Variants in DGKI observed in about 807,000 individuals in gnomAD.
DGKI encodes diacylglycerol kinase iota, also known as DAG kinase iota.
A neutral mutation model predicts 147.5 loss-of-function variants in DGKI; 55 were observed. The observed-to-expected ratio is 0.37, with a 90% confidence interval of 0.30 to 0.47. The LOEUF (loss-of-function observed/expected upper bound fraction) is 0.47, where lower values mean the gene tolerates loss of function less well. DGKI is among the 20% of genes least tolerant of loss of function. The pLI is 1.00. For missense variants in DGKI, 1,007 were observed against 1,323.8 expected (o/e 0.76, Z 3.71); for synonymous variants, 469 against 477.1 (o/e 0.98, Z 0.22).
chr7:137,643,006 T>C (rs2129007429), intron 6 of DGKI, among the ~76,000 whole-genome samples: 1 of 150,078 alleles, frequency 6.7e-6, no homozygotes, highest in East Asian at 2.0e-4. Flanking sequence ...AGTCTATGAA[T>C]ATGGGCCGGG....
chr7:137,811,363 C>T (rs1299702357), intron 1 of DGKI, among the ~76,000 whole-genome samples: 3 of 110,910 alleles, frequency 2.7e-5, no homozygotes, highest in Non-Finnish European at 6.0e-5. Flanking sequence ...CTCTCTCTCT[C>T]CCTCTCTCTC....
intron 1 of DGKI, among the ~76,000 whole-genome samples, chr7:137,699,094 C>T (rs1734086283): frequency 6.6e-6 from 1 of 152,216 alleles, no homozygotes; most frequent in South Asian, 2.1e-4. Flanking sequence ...CCAGCAGATT[C>T]AATGTCCGGT....
intron 6 of DGKI, among the ~76,000 whole-genome samples, chr7:137,625,186 G>A (rs929207006): frequency 3.3e-5 from 5 of 152,138 alleles, no homozygotes; most frequent in Non-Finnish European, 7.3e-5. Context: ...GCAGCTGGGT[G>A]TGGTGGCTCA....
rs753295841 is a variant in DGKI at position 137,408,132 on chromosome 7, G to A, written c.2800-137C>T. On this transcript the variant is annotated intron_variant, in intron 29 of 32. Transcript: ENST00000614521. ...GAGGACATAGAGAAAAGTCAAAAAG[G>A]TGAAGTAACATTCCTGGACTGTGTT... The A allele has an allele frequency of 5.0e-6, 5 of 993,730 alleles. No individual in the cohort carries two copies. The East Asian group carries it at 7.8e-5, about 15-fold the overall frequency. The allele number at this position is 993,730 out of a possible 1,614,324, so 61.6% of individuals were successfully genotyped here.
chr7:137,682,933 G>A (rs1356699793), intron 2 of DGKI, among the ~76,000 whole-genome samples: 2 of 152,080 alleles, frequency 1.3e-5, no homozygotes, highest in African/African-American at 4.8e-5. Context: ...GAATAGTCTT[G>A]GTCTATGACA....
At chr7:137,695,155 T>C (rs1023754861) in intron 1 of DGKI, among the ~76,000 whole-genome samples, 1 of 152,204 alleles carries the variant, frequency 6.6e-6, no homozygotes, top group Non-Finnish European at 1.5e-5. Flanking sequence ...TTGCCTACCA[T>C]GGGGTTTAAG....
chr7:137,465,516 T>C (rs1449973423), intron 26 of DGKI, among the ~76,000 whole-genome samples: 1 of 152,196 alleles, frequency 6.6e-6, no homozygotes, highest in Non-Finnish European at 1.5e-5. Context: ...GTCATAGTTA[T>C]TATTATATAA....
intron 12 of DGKI, among the ~76,000 whole-genome samples, chr7:137,592,245 C>T (rs1425438009): frequency 6.6e-6 from 1 of 152,200 alleles, no homozygotes; most frequent in Non-Finnish European, 1.5e-5. Context: ...ACCTAGCACC[C>T]TTTCAATTAA....
Position 137,383,956 on chromosome 7 carries a change from G to A in DGKI, c.*7264C>T, listed in dbSNP as rs1008137865. The A allele has an allele frequency of 1.3e-5, 2 of 151,982 alleles. No homozygotes were observed. The highest frequency in any genetic ancestry group is 6.6e-5 in the Admixed American group (1 of 15,228). The allele number at this position is 151,982 out of a possible 1,614,324, so 9.4% of individuals were successfully genotyped here. A position where few individuals can be genotyped will look rare whatever the true frequency, so the allele number is the denominator to read the frequency against. On this transcript the variant is annotated 3_prime_UTR_variant, in exon 33 of 33. Transcript: ENST00000614521. Reference sequence around the variant, plus strand: ...CTGAACTGAAGGACATTTCAAGCCTGTTTGTTTTTCTCTACTTCAAATATG... The same window carrying A: ...CTGAACTGAAGGACATTTCAAGCCTATTTGTTTTTCTCTACTTCAAATATG...
chr7:137,595,726 A>C (rs1316335410), intron 12 of DGKI, among the ~76,000 whole-genome samples: 1 of 152,110 alleles, frequency 6.6e-6, no homozygotes, highest in Non-Finnish European at 1.5e-5. Context: ...GAAAACGGGC[A>C]GGCAGGGTGG....
chr7:137,495,979 GA>G (rs1815951317), intron 21 of DGKI, among the ~76,000 whole-genome samples: 1 of 152,076 alleles, frequency 6.6e-6, no homozygotes, highest in Non-Finnish European at 1.5e-5. Context: ...GCAAGAGAAA[GA>G]AATAAAAGGC....
At chr7:137,805,936 C>A (rs1394837017) in intron 1 of DGKI, among the ~76,000 whole-genome samples, 2 of 152,230 alleles carry the variant, frequency 1.3e-5, no homozygotes, top group African/African-American at 4.8e-5. Flanking sequence ...GTGGTCTGAA[C>A]AAAGCATGAG....
chr7:137,603,042 G>A (rs1343483130), intron 10 of DGKI, among the ~76,000 whole-genome samples: 1 of 152,062 alleles, frequency 6.6e-6, no homozygotes, highest in Non-Finnish European at 1.5e-5. Flanking sequence ...CAAGTACTAG[G>A]GAGGGAGTGC....
At chr7:137,813,220 GCAGA>G (rs1404816364) in intron 1 of DGKI, among the ~76,000 whole-genome samples, 1 of 152,180 alleles carries the variant, frequency 6.6e-6, no homozygotes, top group African/African-American at 2.4e-5. Flanking sequence ...AAGACAAAGT[GCAGA>G]CAGTCACTCT....
At chr7:137,674,440 T>C (rs966738753) in intron 3 of DGKI, among the ~76,000 whole-genome samples, 1 of 152,204 alleles carries the variant, frequency 6.6e-6, no homozygotes, top group Non-Finnish European at 1.5e-5. Flanking sequence ...GATGCCCTAA[T>C]GTCCCATAAG....
At chr7:137,534,303 C>T (rs142551653) in intron 20 of DGKI, among the ~76,000 whole-genome samples, 288 of 151,964 alleles carry the variant, frequency 1.9e-3, no homozygotes, top group African/African-American at 6.8e-3. Flanking sequence ...AATAACATTG[C>T]AGTTATAATG....
intron 28 of DGKI, among the ~76,000 whole-genome samples, chr7:137,416,014 AC>A (rs1306178982): frequency 1.4e-5 from 2 of 145,728 alleles, no homozygotes; most frequent in Non-Finnish European, 3.0e-5. Flanking sequence ...AACAAAAAAA[AC>A]AACAACAAAA....
chr7:137,499,560 C>A (rs1816097303), intron 21 of DGKI, among the ~76,000 whole-genome samples: 1 of 152,086 alleles, frequency 6.6e-6, no homozygotes, highest in South Asian at 2.1e-4. Flanking sequence ...AAAGTGAATT[C>A]TTTCTTCTTG....
intron 1 of DGKI, among the ~76,000 whole-genome samples, chr7:137,823,563 T>C (rs1797968767): frequency 6.6e-6 from 1 of 152,246 alleles, no homozygotes; most frequent in African/African-American, 2.4e-5. Flanking sequence ...AGGCTGGTGT[T>C]GTTCTTCTCC....
Sources: gnomAD v4.1 joint callset for allele counts (sites outside exome capture counted in the v4.1 genomes callset) on GRCh38, gnomAD v4.1.1 for gene constraint, MANE v1.5 for transcripts, NCBI Gene and HGNC (gene_info 2026-07-23, HGNC 2026-07-21) for gene names.